DENND10: variants seen among roughly 807,000 people sequenced by gnomAD.
DENND10 encodes the protein DENN domain-containing protein 10.
Under a neutral mutation model 43.6 loss-of-function variants are expected in DENND10, and 24 were observed. The observed-to-expected ratio is 0.55, with a 90% CI of 0.40 to 0.77. The LOEUF (loss-of-function observed/expected upper bound fraction) is 0.77, where lower values mean the gene tolerates loss of function less well. Among genes scored for constraint, DENND10 ranks in the 30% least tolerant of loss-of-function variants. The pLI, the probability that DENND10 is intolerant of heterozygous loss-of-function variation, is 0.00. For synonymous variants in DENND10, 125 were observed against 157.6 expected (o/e 0.79, Z 1.55); for missense variants, 303 against 429.9 (o/e 0.70, Z 2.61).
At chr10:119,115,377 T>G (rs1845199672) in intron 3 of DENND10, among the ~76,000 whole-genome samples, 1 of 116,564 alleles carries the variant, frequency 8.6e-6, no homozygotes, top group Non-Finnish European at 1.8e-5. Flanking sequence ...TGAATTGAAT[T>G]GGTAATTTTT....
chr10:119,107,462 G>T, intron 1 of DENND10, among the ~76,000 whole-genome samples: 1 of 149,534 alleles, frequency 6.7e-6, no homozygotes, highest in Non-Finnish European at 1.5e-5. Context: ...AGAGTGCAGT[G>T]GCGTGATCTT....
intron 1 of DENND10, chr10:119,105,446 G>A (rs1452599883): frequency 5.0e-6 from 4 of 805,536 alleles, no homozygotes; most frequent in South Asian, 3.7e-5. Context: ...ACCACCACCC[G>A]ATTAATTTTT....
At chr10:119,114,970 A>G (rs1013726212) in intron 3 of DENND10, among the ~76,000 whole-genome samples, 5 of 151,876 alleles carry the variant, frequency 3.3e-5, no homozygotes, top group African/African-American at 9.7e-5. Flanking sequence ...GGGTTTCACC[A>G]TGTTCACCAG....
chr10:119,122,597 G>A (rs1462888411), intron 5 of DENND10, among the ~76,000 whole-genome samples: 2 of 152,076 alleles, frequency 1.3e-5, no homozygotes, highest in Admixed American at 6.6e-5. Context: ...TCCTTAAACT[G>A]GAGCGGTCAC....
chr10:119,118,912 C>G (rs1218509153), intron 4 of DENND10, among the ~76,000 whole-genome samples: 2 of 148,460 alleles, frequency 1.3e-5, no homozygotes, highest in Non-Finnish European at 1.5e-5. Flanking sequence ...GGCACAATCT[C>G]AGCTCACTGC....
intron 1 of DENND10, among the ~76,000 whole-genome samples, chr10:119,106,119 G>A (rs900891950): frequency 6.6e-6 from 1 of 152,096 alleles, no homozygotes; most frequent in Non-Finnish European, 1.5e-5. Context: ...ACTTGAACCC[G>A]GGAGGTGGAA....
chr10:119,131,191 GCT>G (rs942437654), intron 7 of DENND10, among the ~76,000 whole-genome samples: 5 of 152,234 alleles, frequency 3.3e-5, no homozygotes, highest in African/African-American at 1.2e-4. Flanking sequence ...GGCCATGGTG[GCT>G]CACGCCTGTA....
At chr10:119,134,090 G>A (rs1420555922) in intron 8 of DENND10, 1 of 152,184 alleles carries the variant, frequency 6.6e-6, no homozygotes, top group Non-Finnish European at 1.5e-5. Context: ...GTGGAGTGCA[G>A]TGGTGCAATC....
chr10:119,120,899 T>C (rs900528611), intron 5 of DENND10, among the ~76,000 whole-genome samples: 1 of 151,542 alleles, frequency 6.6e-6, no homozygotes, highest in Non-Finnish European at 1.5e-5. Context: ...CAAAGACTCT[T>C]TTTTTTTTCT....
At chr10:119,130,486 C>T (rs1019305509) in intron 7 of DENND10, among the ~76,000 whole-genome samples, 3 of 152,114 alleles carry the variant, frequency 2.0e-5, no homozygotes, top group African/African-American at 7.2e-5. Context: ...TTACTTGAGA[C>T]AGGGTTTCAC....
chr10:119,123,571 T>C lies in DENND10; in HGVS notation c.694+2T>C. On this transcript the variant is annotated splice_donor_variant, in intron 6 of 8. Transcript: ENST00000361432. LOFTEE classifies it high-confidence loss of function. The stretch of plus-strand genomic sequence containing the variant: ...TGGAAGCCCTGCAGATGTGCACAGG[T>C]AGACAAGAGGATCCCAGGGGAGGAA... 2 of 1,601,090 alleles carry C rather than the reference T, an allele frequency of 1.2e-6. No homozygotes were observed. The highest frequency in any genetic ancestry group is 1.7e-6 in the Non-Finnish European group (2 of 1,169,322).
chr10:119,135,029 T>G lies in DENND10; in HGVS notation c.898-1442T>G, dbSNP rs368972300. 5 of 150,728 alleles carry G rather than the reference T, an allele frequency of 3.3e-5. No individual in the cohort carries two copies. The East Asian group carries it at 7.9e-4, about 24-fold the overall frequency. 9.3% of individuals were successfully genotyped at this position (150,728 alleles called of 1,614,324 possible). On this transcript the variant is annotated intron_variant, in intron 8 of 8. Transcript: ENST00000361432. ...AAATACAAAAATTAGCCGGGTGTGG[T>G]GGTGGGCGCCTGTTAATCCCAGCGA...
chr10:119,107,943 C>T, intron 1 of DENND10, 25 bp from the exon 2 acceptor site: 1 of 1,608,788 alleles, frequency 6.2e-7, no homozygotes, highest in Non-Finnish European at 8.5e-7. Context: ...TTGACATTCT[C>T]ACAGTGACCA....
chr10:119,129,785 T>C (rs1846001466), intron 7 of DENND10, among the ~76,000 whole-genome samples, 163 bp downstream of exon 7: 1 of 152,232 alleles, frequency 6.6e-6, no homozygotes, highest in Non-Finnish European at 1.5e-5. Context: ...AACATAGACA[T>C]ATTAGCAGAA....
chr10:119,131,208 C>T (rs996617927), intron 7 of DENND10, among the ~76,000 whole-genome samples: 1 of 152,188 alleles, frequency 6.6e-6, no homozygotes, highest in Non-Finnish European at 1.5e-5. Context: ...CCTGTAATCC[C>T]AGCACTTTGG....
intron 3 of DENND10, among the ~76,000 whole-genome samples, chr10:119,112,493 CTTT>C (rs1353576739): frequency 7.5e-5 from 10 of 133,472 alleles, no homozygotes; most frequent in Non-Finnish European, 1.1e-4. Flanking sequence ...TTTTCTTTTT[CTTT>C]TTTTTTTTTT....
intron 6 of DENND10, among the ~76,000 whole-genome samples, chr10:119,125,653 G>GT (rs1268341691): frequency 6.6e-6 from 1 of 151,432 alleles, no homozygotes; most frequent in Non-Finnish European, 1.5e-5. Flanking sequence ...GATTACAGGT[G>GT]TGCACCACCA....
chr10:119,126,072 T>A (rs1454995172), intron 6 of DENND10, among the ~76,000 whole-genome samples: 2 of 152,190 alleles, frequency 1.3e-5, no homozygotes, highest in African/African-American at 4.8e-5. Context: ...TTTCTGTCCG[T>A]GGCTTCTTTT....
chr10:119,130,796 T>C (rs1846051677), intron 7 of DENND10, among the ~76,000 whole-genome samples: 1 of 152,070 alleles, frequency 6.6e-6, no homozygotes, highest in South Asian at 2.1e-4. Flanking sequence ...CTCCATAGGG[T>C]TGCTTGAGTG....
Sources: allele counts gnomAD v4.1 joint callset (sites outside exome capture counted in the v4.1 genomes callset), GRCh38; gene constraint gnomAD v4.1.1; transcripts MANE v1.5; gene names NCBI Gene and HGNC (gene_info 2026-07-23, HGNC 2026-07-21).